SSBP2: variants seen among roughly 807,000 people sequenced by gnomAD.
The protein encoded by SSBP2 is single stranded DNA binding protein 2.
Under a neutral mutation model 61.8 loss-of-function variants are expected in SSBP2, and 17 were observed. That is an observed-to-expected ratio of 0.28 (90% confidence interval 0.19 to 0.41). The LOEUF (loss-of-function observed/expected upper bound fraction) is 0.41. Ranked by LOEUF, SSBP2 falls within the 10% of genes least tolerant of loss-of-function variation. The pLI is 1.00. For synonymous variants in SSBP2, 139 were observed against 141.3 expected (o/e 0.98, Z 0.12); for missense variants, 310 against 458.7 (o/e 0.68, Z 2.96).
At chr5:81,686,587 T>C (rs1752790442) in intron 1 of SSBP2, among the ~76,000 whole-genome samples, 1 of 151,842 alleles carries the variant, frequency 6.6e-6, no homozygotes, top group Admixed American at 6.6e-5. Context: ...CCGGGCACGG[T>C]AGCTCATGCC....
At chr5:81,599,361 A>G (rs1744112247) in intron 4 of SSBP2, among the ~76,000 whole-genome samples, 1 of 152,238 alleles carries the variant, frequency 6.6e-6, no homozygotes, top group Non-Finnish European at 1.5e-5. Flanking sequence ...AACATTTTTA[A>G]CAAAAGAAAC....
chr5:81,648,101 C>G (rs1445691315), intron 2 of SSBP2, among the ~76,000 whole-genome samples: 2 of 152,048 alleles, frequency 1.3e-5, no homozygotes, highest in African/African-American at 4.8e-5. Flanking sequence ...TAAGTTTCTA[C>G]TGCATTAAAA....
At chr5:81,720,740 A>G (rs1291058002) in intron 1 of SSBP2, among the ~76,000 whole-genome samples, 2 of 152,212 alleles carry the variant, frequency 1.3e-5, no homozygotes, top group Non-Finnish European at 2.9e-5. Flanking sequence ...ATTTTTAGGA[A>G]TCACAGTTTG....
At chr5:81,605,925 G>T (rs939020513) in intron 4 of SSBP2, among the ~76,000 whole-genome samples, 3 of 152,120 alleles carry the variant, frequency 2.0e-5, no homozygotes, top group Non-Finnish European at 4.4e-5. Flanking sequence ...CTGTTTAACA[G>T]AATTTAAATG....
At chr5:81,751,160 G>T, upstream of SSBP2, 1 of 1,071,354 alleles carries the variant, frequency 9.3e-7, no homozygotes, top group Non-Finnish European at 1.4e-6. Flanking sequence ...GCCGCCCCAC[G>T]CCAAAGCTCC....
intron 4 of SSBP2, among the ~76,000 whole-genome samples, chr5:81,541,417 G>A (rs1372539300): frequency 4.0e-5 from 6 of 151,594 alleles, no homozygotes; most frequent in Non-Finnish European, 8.8e-5. Flanking sequence ...TAGAACAAAC[G>A]ATTCTAAAAT....
At chr5:81,728,949 A>G (rs1216508864) in intron 1 of SSBP2, among the ~76,000 whole-genome samples, 2 of 152,202 alleles carry the variant, frequency 1.3e-5, no homozygotes, top group African/African-American at 4.8e-5. Flanking sequence ...ATTGAGTCTT[A>G]AAAGTCAGTA....
intron 4 of SSBP2, among the ~76,000 whole-genome samples, chr5:81,549,463 C>T (rs930450663): frequency 5.9e-5 from 9 of 152,200 alleles, no homozygotes; most frequent in Non-Finnish European, 1.2e-4. Flanking sequence ...GGCCTTACTG[C>T]TACAACCTTC....
At chr5:81,563,824 T>C (rs1052919990) in intron 4 of SSBP2, among the ~76,000 whole-genome samples, 5 of 152,128 alleles carry the variant, frequency 3.3e-5, no homozygotes, top group Admixed American at 2.6e-4. Flanking sequence ...TTCGTGACAT[T>C]GGTTAGCAAT....
chr5:81,473,664 T>C lies in SSBP2; in HGVS notation c.570+36A>G, dbSNP rs368001828. 81 of 1,598,946 alleles carry C rather than the reference T, an allele frequency of 5.1e-5. No individual in the cohort carries two copies. In the East Asian group the frequency reaches 1.1e-3, roughly 21 times the overall value. On this transcript the variant is annotated intron_variant, in intron 8 of 16. Transcript: ENST00000320672. ...TTGATGGGCATTTGGGTTGGTTCCA[T>C]ATCTTTGCTATTGTAAATATGCACT... is the stretch of plus-strand genomic sequence containing the variant.
At chr5:81,524,471 T>C (rs1332541116) in intron 4 of SSBP2, among the ~76,000 whole-genome samples, 1 of 152,030 alleles carries the variant, frequency 6.6e-6, no homozygotes, top group Admixed American at 6.6e-5. Context: ...TTGTGGTAAT[T>C]TGCTATGGCA....
rs571580156 is a variant in SSBP2, at chr5:81,696,167, C to G, written c.63-45828G>C. 7.5e-4 allele frequency among the ~76,000 whole-genome samples: 114 copies of G among 152,276 alleles called. 1 individual carries two copies. Among genetic ancestry groups the G allele is most frequent in the African/African-American group, 2.7e-3 (112 of 41,548 alleles). ...GTTAAACACTCCGCTCTAGTTCCAA[C>G]CTACCCTTCCCCACTCCTGACTCCA... On this transcript the variant is annotated intron_variant, in intron 1 of 16. Transcript: ENST00000320672.
chr5:81,638,938 G>C lies in SSBP2; in HGVS notation c.136-2320C>G, dbSNP rs183034365. On this transcript the variant is annotated intron_variant, in intron 2 of 16. Transcript: ENST00000320672. ...TGAGTTATCATGTATACCAAATTCAGATCACCATTAAAATATCATTCTAAA... is the reference window on the plus strand; with the variant it reads ...TGAGTTATCATGTATACCAAATTCACATCACCATTAAAATATCATTCTAAA... Among the ~76,000 whole-genome samples the C allele has an allele frequency of 4.9e-3, 750 of 152,244 alleles. 9 individuals are homozygous for C. Among genetic ancestry groups the C allele is most frequent in the African/African-American group, 0.015 (633 of 41,544 alleles).
In SSBP2 at chr5:81,416,073, A is replaced by G. The variant is rs1424572213; in HGVS notation, c.*4431T>C. On this transcript the variant is annotated 3_prime_UTR_variant, in exon 17 of 17. Coordinates refer to ENST00000320672, the MANE Select transcript of SSBP2 (RefSeq NM_012446.5). Reference sequence around the variant, plus strand: ...CCCTGCCTCTACTAAAAATACAAAAATTAGCCTGTGACGCATGCCTGTAAT... The same window carrying G: ...CCCTGCCTCTACTAAAAATACAAAAGTTAGCCTGTGACGCATGCCTGTAAT... The G allele has an allele frequency of 6.6e-6, 1 of 150,824 alleles. No homozygotes were observed. Among genetic ancestry groups the G allele is most frequent in the Non-Finnish European group, 1.5e-5 (1 of 67,882 alleles). The allele number at this position is 150,824 out of a possible 1,614,324, so 9.3% of individuals were successfully genotyped here. A position where few individuals can be genotyped will look rare whatever the true frequency, so the allele number is the denominator to read the frequency against.
chr5:81,588,836 G>A (rs1390131244), intron 4 of SSBP2, among the ~76,000 whole-genome samples: 1 of 152,178 alleles, frequency 6.6e-6, no homozygotes, highest in Non-Finnish European at 1.5e-5. Flanking sequence ...GGCTGAGGCA[G>A]GTGGAACTCC....
At chr5:81,453,456 C>CTTTTT (rs34761912) in intron 10 of SSBP2, among the ~76,000 whole-genome samples, 1 of 112,142 alleles carries the variant, frequency 8.9e-6, no homozygotes, top group Non-Finnish European at 1.7e-5. Context: ...TGGGTTTATT[C>CTTTTT]TTTTTTTTTT....
intron 1 of SSBP2, among the ~76,000 whole-genome samples, chr5:81,724,858 TAAC>T (rs1755772677): frequency 6.6e-6 from 1 of 152,116 alleles, no homozygotes; most frequent in African/African-American, 2.4e-5. Flanking sequence ...TAACAAATTA[TAAC>T]AACATCTAAA....
At chr5:81,738,223 C>T (rs927903564) in intron 1 of SSBP2, among the ~76,000 whole-genome samples, 6 of 152,120 alleles carry the variant, frequency 3.9e-5, no homozygotes, top group Non-Finnish European at 7.4e-5. Context: ...GATGTGGGTA[C>T]TTGGTTACAC....
intron 3 of SSBP2, among the ~76,000 whole-genome samples, chr5:81,626,073 A>G (rs1392259061): frequency 6.6e-6 from 1 of 152,258 alleles, no homozygotes; most frequent in African/African-American, 2.4e-5. Flanking sequence ...CTATCCATTC[A>G]TAAGACCAAA....
Sources: gnomAD v4.1 joint callset for allele counts (sites outside exome capture counted in the v4.1 genomes callset) on GRCh38, gnomAD v4.1.1 for gene constraint, MANE v1.5 for transcripts, NCBI Gene and HGNC (gene_info 2026-07-23, HGNC 2026-07-21) for gene names.